ARHGAP25: variants seen among roughly 807,000 people sequenced by gnomAD.
ARHGAP25 encodes rho GTPase-activating protein 25.
A neutral mutation model predicts 71.0 loss-of-function variants in ARHGAP25; 34 were observed. The ratio of observed to expected loss-of-function variants is 0.48; its 90% confidence interval spans 0.36 to 0.64. The LOEUF (loss-of-function observed/expected upper bound fraction) is 0.64, where lower values mean the gene tolerates loss of function less well. Among genes scored for constraint, ARHGAP25 ranks in the 30% least tolerant of loss-of-function variants. The probability of loss-of-function intolerance (pLI) is 0.00; values close to 1 mark genes in which losing one functional copy is unlikely to be tolerated. For missense variants in ARHGAP25, 706 were observed against 805.1 expected, an observed-to-expected ratio of 0.88 and a Z score of 1.49; for synonymous variants, 282 against 296.5, an observed-to-expected ratio of 0.95 and a Z score of 0.50.
intron 2 of ARHGAP25, among the ~76,000 whole-genome samples, chr2:68,713,381 T>G (rs1170700893): frequency 6.6e-6 from 1 of 152,374 alleles, no homozygotes; most frequent in East Asian, 1.9e-4. Flanking sequence ...TGAAGTTGCT[T>G]ATCAGCTTAA....
At chr2:68,818,914 A>G (rs1293008366) in intron 8 of ARHGAP25, among the ~76,000 whole-genome samples, 1 of 152,228 alleles carries the variant, frequency 6.6e-6, no homozygotes, top group Non-Finnish European at 1.5e-5. Flanking sequence ...TCCCTCTTTT[A>G]TTCTACTCCC....
intron 2 of ARHGAP25, among the ~76,000 whole-genome samples, chr2:68,711,506 A>G (rs146824099): frequency 5.9e-4 from 89 of 151,852 alleles, no homozygotes; most frequent in African/African-American, 2.0e-3. Context: ...TCCATTCACA[A>G]CCTCCATCTT....
intron 1 of ARHGAP25, among the ~76,000 whole-genome samples, chr2:68,747,563 T>A (rs560818999): frequency 8.5e-5 from 13 of 152,240 alleles, no homozygotes; most frequent in African/African-American, 3.1e-4. Context: ...TGGCTTTAAG[T>A]CCTACCTTAA....
At chr2:68,755,266 A>G (rs1368836933) in intron 1 of ARHGAP25, among the ~76,000 whole-genome samples, 1 of 152,170 alleles carries the variant, frequency 6.6e-6, no homozygotes, top group Non-Finnish European at 1.5e-5. Flanking sequence ...TTATAAACAC[A>G]GATTTCCTGT....
chr2:68,749,432 C>T lies in ARHGAP25; in HGVS notation c.61+14172C>T, dbSNP rs545753726. ...AGTCCTGTCCACCTCCTACCTAGAT[C>T]TCACATTCATCCACTTCTCTTACCT... On this transcript the variant is annotated intron_variant, in intron 1 of 10. Transcript: ENST00000409202. Among the ~76,000 whole-genome samples, 22 of 152,336 alleles carry T rather than the reference C, an allele frequency of 1.4e-4. 1 individual carries two copies. In the South Asian group the frequency reaches 3.9e-3, roughly 27 times the overall value.
intron 1 of ARHGAP25, among the ~76,000 whole-genome samples, chr2:68,743,734 ATCT>A (rs1423182255): frequency 1.3e-5 from 2 of 151,996 alleles, no homozygotes; most frequent in Admixed American, 1.3e-4. Context: ...TTTGGCACTG[ATCT>A]TCTTCCTGTG....
chr2:68,773,295 C>T (rs1677609807), intron 1 of ARHGAP25, among the ~76,000 whole-genome samples: 1 of 152,164 alleles, frequency 6.6e-6, no homozygotes, highest in Non-Finnish European at 1.5e-5. Context: ...TTGAGAATCA[C>T]AGGCGTAGAA....
chr2:68,760,032 C>T (rs946643675), intron 1 of ARHGAP25, among the ~76,000 whole-genome samples: 1 of 152,082 alleles, frequency 6.6e-6, no homozygotes, highest in Admixed American at 6.5e-5. Flanking sequence ...GGTGATTCAA[C>T]GTAGAAGAAT....
At chr2:68,740,312 T>C (rs1675453461) in intron 1 of ARHGAP25, among the ~76,000 whole-genome samples, 1 of 152,192 alleles carries the variant, frequency 6.6e-6, no homozygotes. Context: ...TCCTGCACAT[T>C]GTATCTACTT....
At chr2:68,822,902 A>C (rs751325429) in intron 10 of ARHGAP25, 30 bp downstream of exon 10, 2 of 1,564,500 alleles carry the variant, frequency 1.3e-6, no homozygotes, top group Admixed American at 3.7e-5. Context: ...ACTGAGAGGC[A>C]CTTGGCTTCC....
At chr2:68,777,879 C>T (rs1678033184) in intron 2 of ARHGAP25, among the ~76,000 whole-genome samples, 1 of 152,142 alleles carries the variant, frequency 6.6e-6, no homozygotes, top group Admixed American at 6.5e-5. Context: ...ATATCCCCTC[C>T]ACTTTCAGCC....
chr2:68,752,539 G>C (rs1676240590), intron 1 of ARHGAP25, among the ~76,000 whole-genome samples: 1 of 152,126 alleles, frequency 6.6e-6, no homozygotes, highest in Non-Finnish European at 1.5e-5. Flanking sequence ...TCCAAGGATG[G>C]TCACTGGCTT....
At chr2:68,718,302 T>C (rs186134227) in intron 2 of ARHGAP25, among the ~76,000 whole-genome samples, 1 of 152,308 alleles carries the variant, frequency 6.6e-6, no homozygotes, top group East Asian at 1.9e-4. Context: ...TTTCTCACCT[T>C]TCCCAGCTTC....
intron 1 of ARHGAP25, among the ~76,000 whole-genome samples, chr2:68,763,116 T>A (rs1676924764): frequency 6.6e-6 from 1 of 152,258 alleles, no homozygotes; most frequent in South Asian, 2.1e-4. Flanking sequence ...CACAAGTCAC[T>A]AGCTGTAACC....
At chr2:68,765,350 AG>A (rs1677060064) in intron 1 of ARHGAP25, among the ~76,000 whole-genome samples, 1 of 128,800 alleles carries the variant, frequency 7.8e-6, no homozygotes, top group Admixed American at 8.0e-5. Context: ...TTAGAGCAAT[AG>A]TTGACATGTA....
At chr2:68,809,146 C>A (rs1334883879) in intron 5 of ARHGAP25, among the ~76,000 whole-genome samples, 1 of 152,050 alleles carries the variant, frequency 6.6e-6, no homozygotes, top group South Asian at 2.1e-4. Flanking sequence ...TAGGAGAGAC[C>A]AGGTCTTCTC....
chr2:68,715,409 A>C (rs888251744), intron 2 of ARHGAP25, among the ~76,000 whole-genome samples: 1 of 152,042 alleles, frequency 6.6e-6, no homozygotes, highest in Non-Finnish European at 1.5e-5. Context: ...ACCACCAACA[A>C]CAACAAAGAG....
chr2:68,731,722 C>T (rs1354820844), upstream of ARHGAP25, among the ~76,000 whole-genome samples: 1 of 152,066 alleles, frequency 6.6e-6, no homozygotes, highest in Admixed American at 6.5e-5. Context: ...CCCTTGCCTC[C>T]CTAACTCATT....
intron 2 of ARHGAP25, among the ~76,000 whole-genome samples, chr2:68,724,603 T>C (rs1674839463): frequency 6.6e-6 from 1 of 152,236 alleles, no homozygotes; most frequent in Admixed American, 6.5e-5. Flanking sequence ...ATTATTTAAC[T>C]ATGCTCCAAT....
Sources: allele counts gnomAD v4.1 joint callset (sites outside exome capture counted in the v4.1 genomes callset), GRCh38; gene constraint gnomAD v4.1.1; transcripts MANE v1.5; gene names NCBI Gene and HGNC (gene_info 2026-07-23, HGNC 2026-07-21).